ZNF532: variants seen among roughly 807,000 people sequenced by gnomAD.
ZNF532 encodes the protein zinc finger protein 532.
Under a neutral mutation model 89.3 loss-of-function variants are expected in ZNF532, and 22 were observed. The observed-to-expected ratio is 0.25, with a 90% CI of 0.18 to 0.35. ZNF532 has a LOEUF of 0.35. Among genes scored for constraint, ZNF532 ranks in the 10% least tolerant of loss-of-function variants. ZNF532 has a pLI of 1.00. For missense variants in ZNF532, 1,132 were observed against 1,643.4 expected, an observed-to-expected ratio of 0.69 and a Z score of 5.38; for synonymous variants, 606 against 649.6, an observed-to-expected ratio of 0.93 and a Z score of 1.02.
intron 7 of ZNF532, among the ~76,000 whole-genome samples, chr18:58,972,856 C>G (rs181976076): frequency 6.6e-6 from 1 of 152,306 alleles, no homozygotes; most frequent in Non-Finnish European, 1.5e-5. Context: ...GTAGAACCTG[C>G]CGATGTTTTC....
At chr18:58,977,656 C>G (rs2067209986) in intron 7 of ZNF532, 1 of 152,190 alleles carries the variant, frequency 6.6e-6, no homozygotes, top group Non-Finnish European at 1.5e-5. Flanking sequence ...TCGAGACCAG[C>G]CTGGCCAACA....
chr18:58,904,101 G>A lies in ZNF532; in HGVS notation c.-17-14170G>A, dbSNP rs868180224. ...CATGGTGGTTCATGCCTGTAATCAC[G>A]GCACTTTGGGAGGCCGAGGCAGGCG... On this transcript the variant is annotated intron_variant, in intron 2 of 9. Transcript: ENST00000591808. Among the ~76,000 whole-genome samples the A allele has an allele frequency of 2.0e-5, 3 of 152,012 alleles. 1 individual carries two copies. Among genetic ancestry groups the A allele is most frequent in the South Asian group, 4.2e-4 (2 of 4,816 alleles).
rs1568246259 is a variant in ZNF532, at chr18:58,888,777, ATATATATAAAATATATATAATT to A, written c.-18+23207_-18+23228del. Among the ~76,000 whole-genome samples the A allele has an allele frequency of 7.0e-4, 40 of 57,456 alleles. 3 individuals are homozygous for A. The highest frequency in any genetic ancestry group is 9.3e-3 in the Middle Eastern group (1 of 108). 37.7% of individuals were successfully genotyped at this position (57,456 alleles called of 152,430 possible). On this transcript the variant is annotated intron_variant, in intron 2 of 9. Coordinates refer to ENST00000591808, the MANE Select transcript of ZNF532 (RefSeq NM_001375912.1). ...TATAAAATTAATATATATAATTTAT[ATATATATAAAATATATATAATT>A]TATATATATAAAAAATTATATATAT...
At position 58,985,264 on chromosome 18, in the gene ZNF532, G is replaced by A. The variant is rs1367341495; in HGVS notation, c.*798G>A. ...TAAGAGCACAAGGAGGGAAAGTAACGAAAGGGCTGGACTACTATAAAAGTT... is the reference window on the plus strand; with the variant it reads ...TAAGAGCACAAGGAGGGAAAGTAACAAAAGGGCTGGACTACTATAAAAGTT... On this transcript the variant is annotated 3_prime_UTR_variant, in exon 10 of 10. Transcript: ENST00000591808. 2.0e-5 allele frequency: 3 copies of A among 152,248 alleles called. No individual in the cohort carries two copies. The highest frequency in any genetic ancestry group is 6.5e-5 in the Admixed American group (1 of 15,278). The allele number at this position is 152,248 out of a possible 1,614,324, so 9.4% of individuals were successfully genotyped here. A position where few individuals can be genotyped will look rare whatever the true frequency, so the allele number is the denominator to read the frequency against.
chr18:58,976,387 G>A (rs2067056856), intron 7 of ZNF532, among the ~76,000 whole-genome samples: 1 of 151,030 alleles, frequency 6.6e-6, no homozygotes, highest in South Asian at 2.1e-4. Context: ...TACTACACAA[G>A]AAGAAATAGA....
At chr18:58,966,585 C>T (rs2065931293) in intron 7 of ZNF532, among the ~76,000 whole-genome samples, 2 of 152,120 alleles carry the variant, frequency 1.3e-5, no homozygotes, top group Non-Finnish European at 2.9e-5. Context: ...GACCAGATTC[C>T]ATTTCTAAAA....
chr18:58,954,299 C>T, intron 7 of ZNF532: 1 of 986,026 alleles, frequency 1.0e-6, no homozygotes, highest in Non-Finnish European at 1.2e-6. Context: ...ACTGAAAAAT[C>T]TGAGTCACAT....
intron 9 of ZNF532, 28 bp downstream of exon 9, chr18:58,981,645 A>G: frequency 1.9e-6 from 3 of 1,612,958 alleles, no homozygotes; most frequent in Middle Eastern, 1.6e-4. Context: ...TTTGCTTTAC[A>G]GTGAAATTGT....
chr18:58,927,725 A>G (rs546316255), intron 3 of ZNF532, among the ~76,000 whole-genome samples: 1 of 152,308 alleles, frequency 6.6e-6, no homozygotes, highest in Non-Finnish European at 1.5e-5. Flanking sequence ...CATGTTTAAA[A>G]AAGATCCTAA....
chr18:58,950,126 A>G (rs2064020327), intron 6 of ZNF532, among the ~76,000 whole-genome samples: 1 of 152,244 alleles, frequency 6.6e-6, no homozygotes, highest in South Asian at 2.1e-4. Flanking sequence ...AACAACAAAG[A>G]AAAGAACAGT....
At chr18:58,903,091 C>T (rs1453958654) in intron 2 of ZNF532, among the ~76,000 whole-genome samples, 1 of 152,110 alleles carries the variant, frequency 6.6e-6, no homozygotes, top group Non-Finnish European at 1.5e-5. Flanking sequence ...TTCCATGTTA[C>T]TTGTTTCCAT....
chr18:58,893,656 CAAAAAAAA>C (rs11389338), intron 2 of ZNF532, among the ~76,000 whole-genome samples: 11 of 118,100 alleles, frequency 9.3e-5, no homozygotes, highest in Non-Finnish European at 1.3e-4. Context: ...GACTCTGTCT[CAAAAAAAA>C]AAAAAAAGAA....
At position 58,954,262 on chromosome 18, in the gene ZNF532, C is replaced by A. The variant is rs563628758; in HGVS notation, c.3150+463C>A. 1.2e-4 allele frequency: 121 copies of A among 987,340 alleles called. 2 individuals carry two copies. The South Asian group carries it at 5.0e-3, about 41-fold the overall frequency. The allele number at this position is 987,340 out of a possible 1,614,324, so 61.2% of individuals were successfully genotyped here. ...GAAGAGGAACCACATCCTTTAACTTCCAGTAGAAGCTCTGTAACTCCAAGT... is the reference window on the plus strand; with the variant it reads ...GAAGAGGAACCACATCCTTTAACTTACAGTAGAAGCTCTGTAACTCCAAGT... On this transcript the variant is annotated intron_variant, in intron 7 of 9. Coordinates refer to ENST00000591808, the MANE Select transcript of ZNF532 (RefSeq NM_001375912.1).
rs2058283952 is a variant in ZNF532, at chr18:58,886,086, C to T, written c.-18+20507C>T. Among the ~76,000 whole-genome samples, 5 of 152,160 alleles carry T rather than the reference C, an allele frequency of 3.3e-5. No homozygotes were observed. The South Asian group carries it at 1.0e-3, about 32-fold the overall frequency. On this transcript the variant is annotated intron_variant, in intron 2 of 9. Transcript: ENST00000591808. Reference sequence around the variant, plus strand: ...CCGCCTCCCAGGTTCAAGCAATTCTCCTGCCTCAGCCTCCTGAGTAGCTGG... The same window carrying T: ...CCGCCTCCCAGGTTCAAGCAATTCTTCTGCCTCAGCCTCCTGAGTAGCTGG...
intron 7 of ZNF532, among the ~76,000 whole-genome samples, chr18:58,954,827 G>A (rs752728842): frequency 1.7e-4 from 25 of 150,790 alleles, no homozygotes; most frequent in African/African-American, 5.9e-4. Flanking sequence ...ATTCTCATGC[G>A]TCAGTCTCCC....
intron 7 of ZNF532, 131 bp downstream of exon 7, chr18:58,953,930 C>T (rs1214154132): frequency 6.9e-7 from 1 of 1,440,574 alleles, no homozygotes; most frequent in African/African-American, 1.4e-5. Context: ...CACTTGGTGT[C>T]TCTCTGCCTC....
intron 2 of ZNF532, among the ~76,000 whole-genome samples, chr18:58,912,999 C>T (rs1217161939): frequency 6.6e-6 from 1 of 152,086 alleles, no homozygotes; most frequent in East Asian, 1.9e-4. Context: ...AGCATGAGGT[C>T]GACCTGCGTA....
intron 2 of ZNF532, among the ~76,000 whole-genome samples, chr18:58,895,313 A>G (rs559530929): frequency 3.0e-4 from 45 of 152,266 alleles, no homozygotes; most frequent in African/African-American, 1.1e-3. Flanking sequence ...GGGCACGTAC[A>G]CCTCCCAGAT....
intron 5 of ZNF532, among the ~76,000 whole-genome samples, chr18:58,943,805 C>T (rs1367899604): frequency 1.3e-5 from 2 of 152,086 alleles, no homozygotes; most frequent in Non-Finnish European, 2.9e-5. Context: ...CTATTTTTTC[C>T]TTGACTGCTG....
Sources: gnomAD v4.1 joint callset for allele counts (sites outside exome capture counted in the v4.1 genomes callset) on GRCh38, gnomAD v4.1.1 for gene constraint, MANE v1.5 for transcripts, NCBI Gene and HGNC (gene_info 2026-07-23, HGNC 2026-07-21) for gene names.